Variants in RYR2 observed in about 807,000 individuals in gnomAD.
The protein encoded by RYR2 is ryanodine receptor 2.
In RYR2, 227 loss-of-function variants were observed where a neutral mutation model predicts 601.1. That is an observed-to-expected ratio of 0.38 (90% confidence interval 0.34 to 0.42). The LOEUF is 0.42. Ranked by LOEUF, RYR2 falls within the 10% of genes least tolerant of loss-of-function variation. The probability of loss-of-function intolerance (pLI) is 1.00; values close to 1 mark genes in which losing one functional copy is unlikely to be tolerated. For synonymous variants in RYR2, 2,223 were observed against 2,175.1 expected, an observed-to-expected ratio of 1.02 and a Z score of -0.61; for missense variants, 4,646 against 6,156.5, an observed-to-expected ratio of 0.75 and a Z score of 8.21.
At chr1:237,670,549 G>A (rs1684840857) in intron 58 of RYR2, among the ~76,000 whole-genome samples, 1 of 152,104 alleles carries the variant, frequency 6.6e-6, no homozygotes, top group South Asian at 2.1e-4. Flanking sequence ...TCTTGACAGG[G>A]TATTGCCCAC....
intron 1 of RYR2, among the ~76,000 whole-genome samples, chr1:237,155,768 C>T (rs1168176098): frequency 6.6e-6 from 1 of 151,832 alleles, no homozygotes; most frequent in Non-Finnish European, 1.5e-5. Flanking sequence ...TGATTCTTGC[C>T]CCTAAAAAGA....
chr1:237,506,833 T>C lies in RYR2; in HGVS notation c.2718+19T>C, dbSNP rs773320230. The C allele has an allele frequency of 9.4e-6, 15 of 1,590,460 alleles. No homozygotes were observed. Among genetic ancestry groups the C allele is most frequent in the Middle Eastern group, 1.7e-4 (1 of 6,034 alleles). ...TGGTCCGGTATGTAATTTTGAAATTTATTTTCAGATTCTGTGAATACATCT... is the reference window on the plus strand; with the variant it reads ...TGGTCCGGTATGTAATTTTGAAATTCATTTTCAGATTCTGTGAATACATCT... On this transcript the variant is annotated intron_variant, in intron 23 of 104. Transcript: ENST00000366574.
intron 61 of RYR2, among the ~76,000 whole-genome samples, chr1:237,679,023 T>G (rs1013883942): frequency 1.3e-5 from 2 of 152,230 alleles, no homozygotes; most frequent in African/African-American, 2.4e-5. Context: ...AAAACACATT[T>G]CTGTTGTCTT....
chr1:237,794,378 G>A (rs790899), intron 95 of RYR2, among the ~76,000 whole-genome samples: 100,005 of 151,930 alleles, frequency 0.66, 33,479 homozygotes, highest in East Asian at 0.95. Context: ...AAAGGAAAAT[G>A]CATTGAATTT....
At chr1:237,700,596 C>A (rs993066247) in intron 65 of RYR2, 129 bp downstream of exon 65, 40 of 608,288 alleles carry the variant, frequency 6.6e-5, no homozygotes, top group Non-Finnish European at 9.8e-5. Context: ...TTTTTTATTG[C>A]AAAACGTTAT....
intron 1 of RYR2, among the ~76,000 whole-genome samples, chr1:237,267,350 C>G (rs985826878): frequency 6.6e-6 from 1 of 152,128 alleles, no homozygotes; most frequent in Non-Finnish European, 1.5e-5. Context: ...GAGACCCTGT[C>G]TCTACTAAGA....
At chr1:237,804,467 G>A (rs1441775141) in intron 98 of RYR2, among the ~76,000 whole-genome samples, 2 of 151,794 alleles carry the variant, frequency 1.3e-5, no homozygotes, top group Admixed American at 6.6e-5. Flanking sequence ...GAAGGTGTCC[G>A]CCGCTTCCCC....
chr1:237,784,431 C>A lies in RYR2; in HGVS notation c.12719C>A (p.Thr4240Lys). 6.2e-7 allele frequency: 1 copy of A among 1,613,704 alleles called. No homozygotes were observed. Among genetic ancestry groups the A allele is most frequent in the Non-Finnish European group, 8.5e-7 (1 of 1,179,790 alleles). ...AGGATGGCTTTCTTCTCCATTCTGA[C>A]GGTCAGGTCGGCCCTGTTTGCGCTC... Reference protein sequence around the residue: ...GPRMAFFSILTVRSALFALRY... With the variant: ...GPRMAFFSILKVRSALFALRY... The change falls in exon 90 of 105, where the codon ACG becomes AAG. Residue 4240 changes from threonine to lysine, a missense_variant. Thr to Lys is a moderately conservative substitution (Grantham distance 78, BLOSUM62 -1). Coordinates refer to ENST00000366574, the MANE Select transcript of RYR2 (RefSeq NM_001035.3). The surrounding 1 kb of genome is among the most constrained non-coding windows in gnomAD (Gnocchi z 7.1).
chr1:237,099,652 T>A (rs528905321), intron 1 of RYR2, among the ~76,000 whole-genome samples: 31 of 152,238 alleles, frequency 2.0e-4, no homozygotes, highest in Non-Finnish European at 3.5e-4. Context: ...ACTAGGAGAT[T>A]GTTCCATACC....
intron 17 of RYR2, chr1:237,471,091 C>T (rs1374293846): frequency 1.3e-5 from 2 of 154,468 alleles, no homozygotes; most frequent in Non-Finnish European, 2.9e-5. Context: ...GCTGCTCCAC[C>T]CTAATCTTAT....
intron 21 of RYR2, among the ~76,000 whole-genome samples, chr1:237,502,942 G>A (rs908248760): frequency 5.9e-5 from 9 of 151,602 alleles, no homozygotes; most frequent in African/African-American, 1.9e-4. Context: ...TTTATCTTTC[G>A]GTACTTTGGG....
chr1:237,654,421 T>G lies in RYR2; in HGVS notation c.7965+7T>G. 1 of 1,613,618 alleles carries G rather than the reference T, an allele frequency of 6.2e-7. No homozygotes were observed. The highest frequency in any genetic ancestry group is 8.5e-7 in the Non-Finnish European group (1 of 1,179,680). On this transcript the variant is annotated splice_region_variant and intron_variant, in intron 52 of 104. Coordinates refer to ENST00000366574, the MANE Select transcript of RYR2 (RefSeq NM_001035.3). ...TGATGCCCTGTCTCAAAAGGTAATT[T>G]AATGGTTTGTGGGTTTGTTTGTATC...
At chr1:237,081,882 T>C (rs947197277) in intron 1 of RYR2, among the ~76,000 whole-genome samples, 2 of 152,062 alleles carry the variant, frequency 1.3e-5, no homozygotes, top group East Asian at 3.9e-4. Flanking sequence ...AAGGGTGAGC[T>C]CCACCAGGCA....
chr1:237,552,301 A>T lies in RYR2; in HGVS notation c.3214+1610A>T, dbSNP rs546872888. ...AAAGAGACTTCTGTAATTCTCTGATATAGAATAAACCCTCAAAGCTAATTA... is the reference window on the plus strand; with the variant it reads ...AAAGAGACTTCTGTAATTCTCTGATTTAGAATAAACCCTCAAAGCTAATTA... On this transcript the variant is annotated intron_variant, in intron 27 of 104. Transcript: ENST00000366574. 1.6e-4 allele frequency among the ~76,000 whole-genome samples: 25 copies of T among 152,332 alleles called. No individual in the cohort carries two copies. In the East Asian group the frequency reaches 4.8e-3, roughly 29 times the overall value.
chr1:237,759,341 C>T (rs1303826468), intron 82 of RYR2, among the ~76,000 whole-genome samples: 1 of 152,136 alleles, frequency 6.6e-6, no homozygotes, highest in East Asian at 1.9e-4. Flanking sequence ...CCACCTCAGC[C>T]TCCCAAAGTG....
At chr1:237,294,307 A>G (rs914622170) in intron 2 of RYR2, among the ~76,000 whole-genome samples, 1 of 152,168 alleles carries the variant, frequency 6.6e-6, no homozygotes, top group Non-Finnish European at 1.5e-5. Context: ...TTCCTTTTCT[A>G]ATTTTCCTAG....
intron 70 of RYR2, among the ~76,000 whole-genome samples, chr1:237,709,867 A>G (rs1173011415): frequency 6.6e-6 from 1 of 152,184 alleles, no homozygotes; most frequent in East Asian, 1.9e-4. Context: ...TGTTCTCTTA[A>G]TTTGCAGTTC....
At chr1:237,550,456 G>A (rs1458887281) in intron 26 of RYR2, 88 bp from the exon 27 acceptor site, 1 of 1,470,790 alleles carries the variant, frequency 6.8e-7, no homozygotes, top group Non-Finnish European at 9.2e-7. Context: ...TTTTCTCATG[G>A]AATTTAAAGT....
chr1:237,792,370 TGTGTGTGTGTGC>T (rs1217450003), intron 94 of RYR2, 47 bp downstream of exon 94: 46 of 945,774 alleles, frequency 4.9e-5, no homozygotes, highest in Non-Finnish European at 5.5e-5. Flanking sequence ...TGTGTGTGTG[TGTGTGTGTGTGC>T]GTGTGTGTGT....
Sources: allele counts gnomAD v4.1 joint callset (sites outside exome capture counted in the v4.1 genomes callset), GRCh38; gene constraint gnomAD v4.1.1; non-coding constraint Gnocchi (gnomAD v3.1); transcripts MANE v1.5; gene names NCBI Gene and HGNC (gene_info 2026-07-23, HGNC 2026-07-21).